Variants in KIF3C observed in about 807,000 individuals in gnomAD.
The protein encoded by KIF3C is kinesin family member 3C.
In KIF3C, 12 loss-of-function variants were observed where a neutral mutation model predicts 67.7. The observed-to-expected ratio is 0.18, with a 90% CI of 0.11 to 0.29. The LOEUF (loss-of-function observed/expected upper bound fraction) is 0.29. Ranked by LOEUF, KIF3C falls within the 10% of genes least tolerant of loss-of-function variation. KIF3C has a pLI of 1.00. For missense variants in KIF3C, 789 were observed against 1,059.6 expected, an observed-to-expected ratio of 0.74 and a Z score of 3.55; for synonymous variants, 393 against 426.2, an observed-to-expected ratio of 0.92 and a Z score of 0.96.
chr2:25,947,744 T>C (rs1663484892), intron 5 of KIF3C, among the ~76,000 whole-genome samples: 2 of 152,146 alleles, frequency 1.3e-5, no homozygotes, highest in Admixed American at 6.5e-5. Flanking sequence ...AAAGAAAAGA[T>C]GGTGGAAAGT....
rs1387874402 is a variant in KIF3C at position 25,929,370 on chromosome 2, C to G, written c.2223G>C (p.Arg741Ser). ...CCAGAAAGCTGTCCAATCGCATGAG[C>G]CTCTCCATGTGTAGCGCACGAGGGT... ...EQDPRALHME[R>S]LMRLDSFLER... is the part of the protein sequence containing the mutation. The change falls in exon 7 of 8, where the codon AGG (arginine) becomes AGC (serine). Residue 741 changes from arginine to serine, a missense_variant. Physicochemically the swap from Arg to Ser is moderately radical, Grantham distance 110. Coordinates refer to ENST00000264712, the MANE Select transcript of KIF3C (RefSeq NM_002254.8). The G allele has an allele frequency of 9.3e-6, 15 of 1,614,138 alleles. No homozygotes were observed. In the East Asian group the frequency reaches 3.3e-4, roughly 36 times the overall value.
intron 1 of KIF3C, among the ~76,000 whole-genome samples, chr2:25,960,507 G>T (rs958113764): frequency 6.6e-6 from 1 of 151,798 alleles, no homozygotes; most frequent in African/African-American, 2.4e-5. Flanking sequence ...ATGCTCTCTC[G>T]CCTGTAAGCT....
intron 1 of KIF3C, among the ~76,000 whole-genome samples, chr2:25,963,198 T>TATATA (rs56124128): frequency 2.1e-3 from 55 of 26,510 alleles, no homozygotes; most frequent in African/African-American, 9.7e-3. Flanking sequence ...ATATATATAT[T>TATATA]TTTTTTTTTT....
chr2:25,935,379 T>G (rs983819341), intron 5 of KIF3C, among the ~76,000 whole-genome samples: 1 of 152,174 alleles, frequency 6.6e-6, no homozygotes, highest in African/African-American at 2.4e-5. Context: ...GCCTTTTTTT[T>G]TTCTATAGAC....
chr2:25,952,855 A>G (rs1024899949), intron 4 of KIF3C, among the ~76,000 whole-genome samples: 1 of 151,934 alleles, frequency 6.6e-6, no homozygotes. Flanking sequence ...AGCAAATTGT[A>G]TATTTTAAAA....
chr2:25,966,119 T>C (rs1664133232), intron 1 of KIF3C, among the ~76,000 whole-genome samples: 4 of 152,082 alleles, frequency 2.6e-5, no homozygotes. Flanking sequence ...GCTCTTTTTT[T>C]TTTTTTAAGA....
intron 1 of KIF3C, among the ~76,000 whole-genome samples, chr2:25,969,487 TAAAAA>T (rs1347506765): frequency 1.3e-5 from 2 of 151,310 alleles, no homozygotes; most frequent in Non-Finnish European, 2.9e-5. Context: ...TTTGAAAAAA[TAAAAA>T]AAAGTCCCAG....
chr2:25,962,641 T>G (rs1663977168), intron 1 of KIF3C, among the ~76,000 whole-genome samples: 1 of 147,728 alleles, frequency 6.8e-6, no homozygotes, highest in Non-Finnish European at 1.5e-5. Context: ...CCTCCCAAAG[T>G]GCTGGGATTA....
At chr2:25,962,976 TATATAATATATAATATATATA>T (rs1664023209) in intron 1 of KIF3C, among the ~76,000 whole-genome samples, 1 of 46,398 alleles carries the variant, frequency 2.2e-5, no homozygotes, top group Non-Finnish European at 3.1e-5. Flanking sequence ...TAATATATAA[TATATAATATATAATATATATA>T]ATATATAATA....
At chr2:25,956,664 C>T (rs1663814088) in intron 1 of KIF3C, among the ~76,000 whole-genome samples, 1 of 152,186 alleles carries the variant, frequency 6.6e-6, no homozygotes, top group Non-Finnish European at 1.5e-5. Context: ...TAGGGAGGCA[C>T]AGAGGGTGCC....
rs187388828 is a variant in KIF3C at position 25,928,953 on chromosome 2, G to T, written c.*25C>A. 1 of 1,602,274 alleles carries T rather than the reference G, an allele frequency of 6.2e-7. No individual in the cohort carries two copies. The highest frequency in any genetic ancestry group is 1.1e-5 in the South Asian group (1 of 90,364). On this transcript the variant is annotated 3_prime_UTR_variant, in exon 8 of 8. Coordinates refer to ENST00000264712, the MANE Select transcript of KIF3C (RefSeq NM_002254.8). ...GCTGCCCCATCCCAGGAGTCTATTG[G>T]ATGGGCAGCCTGACGTGATGGTTGT...
chr2:25,952,348 C>T (rs184831129), intron 4 of KIF3C, among the ~76,000 whole-genome samples: 8 of 151,912 alleles, frequency 5.3e-5, no homozygotes, highest in African/African-American at 1.9e-4. Flanking sequence ...AAAAAAGAGG[C>T]AGAGGCAATG....
At chr2:25,968,074 T>C (rs1664189748) in intron 1 of KIF3C, among the ~76,000 whole-genome samples, 1 of 152,156 alleles carries the variant, frequency 6.6e-6, no homozygotes, top group Non-Finnish European at 1.5e-5. Context: ...TATTTCTCCT[T>C]TTCCAGCGCC....
chr2:25,950,143 C>T (rs530919030), intron 5 of KIF3C, among the ~76,000 whole-genome samples: 2 of 151,852 alleles, frequency 1.3e-5, no homozygotes, highest in East Asian at 2.0e-4. Context: ...CCACCCGCCT[C>T]GGCCTCCCAA....
rs940790178 is a variant in KIF3C, at chr2:25,926,911, A to C, written c.*2067T>G. 2.5e-4 allele frequency: 38 copies of C among 152,210 alleles called. 1 individual carries two copies. Among genetic ancestry groups the C allele is most frequent in the Non-Finnish European group, 4.4e-5 (3 of 68,040 alleles). 9.4% of individuals were successfully genotyped at this position (152,210 alleles called of 1,614,324 possible). A position where few individuals can be genotyped will look rare whatever the true frequency, so the allele number is the denominator to read the frequency against. On this transcript the variant is annotated 3_prime_UTR_variant, in exon 8 of 8. Transcript: ENST00000264712. ...ACTTTGTCAATCAAATATTTGATAC[A>C]CCAAAAGGAAAAGGAGAGAAAGAGA...
Position 25,942,036 on chromosome 2 carries a change from C to G in KIF3C, c.2006+9753G>C, listed in dbSNP as rs560907112. On this transcript the variant is annotated intron_variant, in intron 5 of 7. Coordinates refer to ENST00000264712, the MANE Select transcript of KIF3C (RefSeq NM_002254.8). Reference sequence around the variant, plus strand: ...TGGGTGACAGAGTGAGACCCTGTCTCAAAAAAATAGATAAAAATTAAATAA... The same window carrying G: ...TGGGTGACAGAGTGAGACCCTGTCTGAAAAAAATAGATAAAAATTAAATAA... Among the ~76,000 whole-genome samples, 5 of 151,008 alleles carry G rather than the reference C, an allele frequency of 3.3e-5. No homozygotes were observed. The South Asian group carries it at 1.0e-3, about 32-fold the overall frequency.
chr2:25,978,049 TCTC>T (rs1343533784), intron 1 of KIF3C, among the ~76,000 whole-genome samples: 4 of 152,110 alleles, frequency 2.6e-5, no homozygotes, highest in Admixed American at 2.6e-4. Context: ...AGGTCAGGCT[TCTC>T]CTCCTCATTA....
intron 5 of KIF3C, among the ~76,000 whole-genome samples, chr2:25,936,981 G>A (rs556571091): frequency 2.9e-4 from 44 of 152,216 alleles, no homozygotes; most frequent in Non-Finnish European, 4.6e-4. Flanking sequence ...ACTTGGGGAA[G>A]TGGCTTACTA....
At position 25,981,442 on chromosome 2, in the gene KIF3C, T is replaced by C. The variant is rs765661975; in HGVS notation, c.476A>G (p.Lys159Arg). 6 of 1,614,074 alleles carry C rather than the reference T, an allele frequency of 3.7e-6. No individual in the cohort carries two copies. The highest frequency in any genetic ancestry group is 3.3e-5 in the Admixed American group (2 of 59,994). Residue 159 changes from lysine to arginine, a missense_variant, in exon 1 of 8, where the codon AAG becomes AGG. By Grantham distance (26) the Lys-to-Arg change is conservative. This residue lies in a region of KIF3C where 141 missense variants were observed against 251.8 expected (regional missense o/e 0.56). Transcript: ENST00000264712. The surrounding 1 kb of genome is among the most constrained non-coding windows in gnomAD (Gnocchi z 8.2). ...CAGCTCTAGCCTCTTGCCCGGCTCC[T>C]TGGAGAGCAGGTCTCGAATCTCTTC... ...YQEEIRDLLS[K>R]EPGKRLELKE... is the part of the protein sequence containing the mutation.
Sources: allele counts gnomAD v4.1 joint callset (sites outside exome capture counted in the v4.1 genomes callset), GRCh38; gene constraint gnomAD v4.1.1; regional missense constraint gnomAD v4.1.1; non-coding constraint Gnocchi (gnomAD v3.1); transcripts MANE v1.5; gene names NCBI Gene and HGNC (gene_info 2026-07-23, HGNC 2026-07-21).